The following RAPGEF5 variants were observed in gnomAD, a reference collection of about 807,000 sequenced individuals.
RAPGEF5 encodes Rap guanine nucleotide exchange factor 5.
In RAPGEF5, 65 loss-of-function variants were observed where a neutral mutation model predicts 125.2. That is an observed-to-expected ratio of 0.52 (90% CI 0.43 to 0.64). RAPGEF5 has a LOEUF of 0.64. Ranked by LOEUF, RAPGEF5 falls within the 30% of genes least tolerant of loss-of-function variation. The probability of loss-of-function intolerance (pLI) is 0.00; values close to 1 mark genes in which losing one functional copy is unlikely to be tolerated. For missense variants in RAPGEF5, 958 were observed against 1,048.1 expected (o/e 0.91, Z 1.19); for synonymous variants, 391 against 385.9 (o/e 1.01, Z -0.16).
chr7:22,296,705 G>A (rs140676989), intron 5 of RAPGEF5, among the ~76,000 whole-genome samples: 208 of 152,290 alleles, frequency 1.4e-3, no homozygotes, highest in African/African-American at 4.7e-3. Context: ...GACTATTCCT[G>A]GGTTGGGCAG....
chr7:22,331,031 A>T (rs1321024881), intron 1 of RAPGEF5, among the ~76,000 whole-genome samples: 2 of 152,150 alleles, frequency 1.3e-5, no homozygotes, highest in African/African-American at 2.4e-5. Context: ...ACAGCCCTCC[A>T]CTGTCCACCA....
chr7:22,156,576 T>A (rs1258057007), intron 16 of RAPGEF5, among the ~76,000 whole-genome samples: 1 of 152,242 alleles, frequency 6.6e-6, no homozygotes, highest in Non-Finnish European at 1.5e-5. Context: ...CATTGTCTCC[T>A]TTCCTTGCTT....
At chr7:22,330,329 G>A (rs888172283) in intron 1 of RAPGEF5, among the ~76,000 whole-genome samples, 6 of 152,214 alleles carry the variant, frequency 3.9e-5, no homozygotes, top group African/African-American at 1.4e-4. Context: ...AGTCCATTTG[G>A]CTTTCTGCCC....
intron 6 of RAPGEF5, among the ~76,000 whole-genome samples, chr7:22,289,213 T>C (rs759349638): frequency 3.9e-5 from 6 of 152,244 alleles, no homozygotes; most frequent in Non-Finnish European, 8.8e-5. Flanking sequence ...CTGTCTTATC[T>C]TCTTGGTGTG....
chr7:22,313,277 C>G lies in RAPGEF5; in HGVS notation c.389+2093G>C, dbSNP rs567572163. ...AAATCAGGTGATGGTATTTTAGTGA[C>G]GTATTCATGCAAAGAAATGACGTCT... On this transcript the variant is annotated intron_variant, in intron 3 of 25. Transcript: ENST00000665637. Among the ~76,000 whole-genome samples the G allele has an allele frequency of 3.3e-5, 5 of 152,222 alleles. No homozygotes were observed. In the East Asian group the frequency reaches 9.7e-4, roughly 29 times the overall value.
intron 1 of RAPGEF5, among the ~76,000 whole-genome samples, chr7:22,347,813 T>C (rs979554160): frequency 6.6e-6 from 1 of 152,208 alleles, no homozygotes; most frequent in Non-Finnish European, 1.5e-5. Context: ...CTTAAAGTAC[T>C]TCAAACAACC....
chr7:22,356,767 G>T, intron 1 of RAPGEF5, 63 bp downstream of exon 1: 2 of 933,796 alleles, frequency 2.1e-6, no homozygotes, highest in Non-Finnish European at 2.7e-6. Context: ...GCGGCCCGGG[G>T]GGTGGGCGCG....
At chr7:22,181,515 T>C (rs1472789034) in intron 11 of RAPGEF5, among the ~76,000 whole-genome samples, 1 of 151,450 alleles carries the variant, frequency 6.6e-6, no homozygotes, top group Non-Finnish European at 1.5e-5. Flanking sequence ...CCAAATATCC[T>C]AAATGCCAGA....
chr7:22,220,180 G>T, intron 8 of RAPGEF5, 189 bp from the exon 9 acceptor site: 1 of 672,978 alleles, frequency 1.5e-6, no homozygotes, highest in Non-Finnish European at 2.4e-6. Flanking sequence ...CATGCCAAAA[G>T]ACTTAAAGTT....
chr7:22,126,983 A>G (rs1782767500), intron 24 of RAPGEF5, among the ~76,000 whole-genome samples: 1 of 151,350 alleles, frequency 6.6e-6, no homozygotes, highest in South Asian at 2.1e-4. Context: ...ACAGTCTTCA[A>G]TATTCTAATT....
intron 11 of RAPGEF5, among the ~76,000 whole-genome samples, chr7:22,185,403 T>C: frequency 6.6e-6 from 1 of 152,240 alleles, no homozygotes; most frequent in Non-Finnish European, 1.5e-5. Flanking sequence ...TCTGCTTTTA[T>C]AAGTGAAACA....
chr7:22,140,147 G>A (rs755477931), intron 20 of RAPGEF5, 32 bp from the exon 21 acceptor site: 18 of 1,512,186 alleles, frequency 1.2e-5, no homozygotes, highest in Non-Finnish European at 1.5e-5. Context: ...AGGACACTTT[G>A]AGGAAACATT....
At chr7:22,297,010 T>C (rs1783078579) in intron 5 of RAPGEF5, among the ~76,000 whole-genome samples, 1 of 152,156 alleles carries the variant, frequency 6.6e-6, no homozygotes, top group Non-Finnish European at 1.5e-5. Context: ...AGTGGTACTG[T>C]TGAAAGCCTG....
In RAPGEF5 at chr7:22,125,922, C is replaced by T. The variant is rs140924479; in HGVS notation, c.2482-264G>A. 5.3e-4 allele frequency among the ~76,000 whole-genome samples: 81 copies of T among 152,084 alleles called. 1 individual carries two copies. In the Middle Eastern group the frequency reaches 0.017, roughly 32 times the overall value. ...CAGCACTTTGGGAGGCTGAGGTGGG[C>T]GGATCACTTGAGGTCAGGAGTTTGA... On this transcript the variant is annotated intron_variant, in intron 24 of 25. Coordinates refer to ENST00000665637, the MANE Select transcript of RAPGEF5 (RefSeq NM_012294.5).
At chr7:22,138,795 G>T (rs1783162149) in intron 21 of RAPGEF5, among the ~76,000 whole-genome samples, 1 of 152,204 alleles carries the variant, frequency 6.6e-6, no homozygotes, top group Non-Finnish European at 1.5e-5. Flanking sequence ...GAATCTAATT[G>T]AGTTATTTCT....
At chr7:22,176,740 A>G (rs1255539687) in intron 11 of RAPGEF5, among the ~76,000 whole-genome samples, 2 of 152,150 alleles carry the variant, frequency 1.3e-5, no homozygotes, top group Non-Finnish European at 1.5e-5. Flanking sequence ...CATGTTGGTC[A>G]GGCTGGTCCC....
chr7:22,244,307 GTCT>G (rs1468924826), intron 7 of RAPGEF5, among the ~76,000 whole-genome samples: 2 of 152,066 alleles, frequency 1.3e-5, no homozygotes, highest in African/African-American at 4.8e-5. Context: ...TAATGCAGAA[GTCT>G]TCAACCCCCA....
intron 7 of RAPGEF5, among the ~76,000 whole-genome samples, chr7:22,259,740 C>T (rs980352141): frequency 1.3e-5 from 2 of 152,178 alleles, no homozygotes; most frequent in African/African-American, 4.8e-5. Flanking sequence ...GAAAAGGCTA[C>T]GTATTGTACG....
At chr7:22,155,265 G>A (rs1783768526) in intron 16 of RAPGEF5, among the ~76,000 whole-genome samples, 2 of 152,038 alleles carry the variant, frequency 1.3e-5, no homozygotes, top group Admixed American at 1.3e-4. Context: ...ATTGTCTGTG[G>A]TGCTAATAAT....
Sources: gnomAD v4.1 joint callset for allele counts (sites outside exome capture counted in the v4.1 genomes callset) on GRCh38, gnomAD v4.1.1 for gene constraint, MANE v1.5 for transcripts, NCBI Gene and HGNC (gene_info 2026-07-23, HGNC 2026-07-21) for gene names.